Variants in MGA observed in about 807,000 individuals in gnomAD.
MGA encodes the protein MAX dimerization protein MGA.
In MGA, 40 loss-of-function variants were observed where a neutral mutation model predicts 261.1. The ratio of observed to expected loss-of-function variants is 0.15; its 90% confidence interval spans 0.12 to 0.20. The LOEUF (loss-of-function observed/expected upper bound fraction) is 0.20. Ranked by LOEUF, MGA falls within the 10% of genes least tolerant of loss-of-function variation. The pLI is 1.00. For missense variants in MGA, 3,397 were observed against 3,630.5 expected (o/e 0.94, Z 1.65); for synonymous variants, 1,302 against 1,290.6 (o/e 1.01, Z -0.19).
chr15:41,740,396 A>G (rs958609696), intron 14 of MGA, among the ~76,000 whole-genome samples, 193 bp downstream of exon 14: 3 of 151,970 alleles, frequency 2.0e-5, no homozygotes, highest in African/African-American at 7.3e-5. Context: ...AGATGAATTG[A>G]GTTGTTTTAT....
chr15:41,767,483 C>G lies in MGA; in HGVS notation c.*203C>G. On this transcript the variant is annotated 3_prime_UTR_variant, in exon 24 of 24. Transcript: ENST00000219905. ...ATTCTGATCATGTTAAAATGTGTTA[C>G]CTCACTTGTGGTGCTGGGTCCCCTC... The G allele has an allele frequency of 1.6e-6, 1 of 606,430 alleles. No individual in the cohort carries two copies. The highest frequency in any genetic ancestry group is 2.8e-5 in the East Asian group (1 of 35,886). The allele number at this position is 606,430 out of a possible 1,614,324, so 37.6% of individuals were successfully genotyped here.
intron 1 of MGA, among the ~76,000 whole-genome samples, chr15:41,662,906 T>C (rs886994363): frequency 6.6e-6 from 1 of 152,230 alleles, no homozygotes; most frequent in Non-Finnish European, 1.5e-5. Flanking sequence ...TGGAAAACGT[T>C]CAGAATGTGT....
chr15:41,668,838 C>T lies in MGA; in HGVS notation c.-57C>T. 7.9e-7 allele frequency: 1 copy of T among 1,267,876 alleles called. No individual in the cohort carries two copies. Among genetic ancestry groups the T allele is most frequent in the Non-Finnish European group, 1.1e-6 (1 of 941,344 alleles). 78.5% of individuals were successfully genotyped at this position (1,267,876 alleles called of 1,614,324 possible). ...TTGCTTGTTTCTTAGGATGGGAAGG[C>T]CATTGTGACTATGTGGTGATTACAG... On this transcript the variant is annotated 5_prime_UTR_variant, in exon 2 of 24. Transcript: ENST00000219905.
intron 2 of MGA, among the ~76,000 whole-genome samples, chr15:41,676,356 G>A (rs2058377139): frequency 6.6e-6 from 1 of 152,158 alleles, no homozygotes; most frequent in South Asian, 2.1e-4. Context: ...CTAATTTTAT[G>A]TAGAGATTTC....
chr15:41,669,767 G>A lies in MGA; in HGVS notation c.873G>A (p.Arg291=). 6.2e-7 allele frequency: 1 copy of A among 1,613,852 alleles called. No homozygotes were observed. Among genetic ancestry groups the A allele is most frequent in the Non-Finnish European group, 8.5e-7 (1 of 1,179,842 alleles). Residue 291 remains arginine (R), a synonymous_variant, in exon 2 of 24, where the codon CGG becomes CGA. Transcript: ENST00000219905. ...ATATTTCCAGTTCTTCTGGTCATCG[G>A]GTCCGTCTTACAGAAGGTCAGGGGT...
chr15:41,708,009 T>G (rs558109830), intron 6 of MGA, 95 bp from the exon 7 acceptor site: 2 of 1,348,618 alleles, frequency 1.5e-6, no homozygotes, highest in East Asian at 5.0e-5. Context: ...ATAAGTGATT[T>G]ATACACTTAC....
chr15:41,717,442 A>G lies in MGA; in HGVS notation c.3430+3946A>G, dbSNP rs566892841. Among the ~76,000 whole-genome samples the G allele has an allele frequency of 7.9e-5, 12 of 152,378 alleles. No individual in the cohort carries two copies. In the South Asian group the frequency reaches 2.5e-3, roughly 32 times the overall value. On this transcript the variant is annotated intron_variant, in intron 9 of 23. Transcript: ENST00000219905. ...AACATACTAATTACCATTATTAGGAATGAAAGGTGACTTCAGTACAGACAT... is the reference window on the plus strand; with the variant it reads ...AACATACTAATTACCATTATTAGGAGTGAAAGGTGACTTCAGTACAGACAT...
At chr15:41,756,423 T>C (rs1443492837) in intron 18 of MGA, among the ~76,000 whole-genome samples, 1 of 152,104 alleles carries the variant, frequency 6.6e-6, no homozygotes, top group East Asian at 1.9e-4. Context: ...GGTACAGTTA[T>C]CTAGGTGTGG....
chr15:41,652,132 A>ATT (rs1364144728), intron 1 of MGA, among the ~76,000 whole-genome samples: 2 of 137,336 alleles, frequency 1.5e-5, no homozygotes, highest in African/African-American at 5.4e-5. Flanking sequence ...CGCCCGGCTA[A>ATT]TTTTTTTTTT....
chr15:41,731,491 A>C (rs1420884484), intron 11 of MGA, among the ~76,000 whole-genome samples: 2 of 152,192 alleles, frequency 1.3e-5, no homozygotes, highest in Admixed American at 6.5e-5. Context: ...CAAGTTTTTA[A>C]AGTAGTTAAT....
chr15:41,661,960 C>T (rs2057432791), intron 1 of MGA, among the ~76,000 whole-genome samples: 2 of 152,032 alleles, frequency 1.3e-5, no homozygotes, highest in South Asian at 2.1e-4. Context: ...GCTTTCCTTG[C>T]GGCATTTTTT....
At chr15:41,652,519 C>T (rs1162830978) in intron 1 of MGA, among the ~76,000 whole-genome samples, 2 of 151,666 alleles carry the variant, frequency 1.3e-5, no homozygotes, top group Admixed American at 1.3e-4. Context: ...CATGCACCAC[C>T]ACACTCAGCT....
At chr15:41,635,517 C>G (rs1408345146) in intron 1 of MGA, among the ~76,000 whole-genome samples, 3 of 150,492 alleles carry the variant, frequency 2.0e-5, no homozygotes, top group East Asian at 1.9e-4. Context: ...ATAGTGAGAC[C>G]CCCCCCCTCC....
In MGA at chr15:41,696,617, A is replaced by C; in HGVS notation, c.1607A>C (p.Asp536Ala). Reference sequence around the variant, plus strand: ...AATGGTCTTAGAAAACATTCACCAGATCTCAGAGTGGTACAAAAATATCCC... The same window carrying C: ...AATGGTCTTAGAAAACATTCACCAGCTCTCAGAGTGGTACAAAAATATCCC... The change falls in exon 3 of 24, where the codon GAT becomes GCT. Residue 536 changes from aspartate (D) to alanine (A), a missense_variant. Coordinates refer to ENST00000219905, the MANE Select transcript of MGA (RefSeq NM_001164273.2). 1 of 1,613,826 alleles carries C rather than the reference A, an allele frequency of 6.2e-7. No homozygotes were observed. Among genetic ancestry groups the C allele is most frequent in the Non-Finnish European group, 8.5e-7 (1 of 1,179,830 alleles).
chr15:41,705,031 GAATAAAA>G (rs1269099894), intron 5 of MGA, among the ~76,000 whole-genome samples: 1 of 152,150 alleles, frequency 6.6e-6, no homozygotes, highest in African/African-American at 2.4e-5. Context: ...GGCTCTGGTT[GAATAAAA>G]ATATAAAAAG....
At chr15:41,624,310 C>T (rs555920360) in intron 1 of MGA, among the ~76,000 whole-genome samples, 1 of 151,690 alleles carries the variant, frequency 6.6e-6, no homozygotes, top group African/African-American at 2.4e-5. Flanking sequence ...TACAGTGGTG[C>T]GATCTCAGCT....
At chr15:41,704,333 T>TA (rs534869856) in intron 5 of MGA, among the ~76,000 whole-genome samples, 2,143 of 144,300 alleles carry the variant, frequency 0.015, 39 homozygotes, top group South Asian at 0.071. Context: ...TGCCCTGCAG[T>TA]AAAAAAAAAA....
intron 2 of MGA, among the ~76,000 whole-genome samples, chr15:41,687,236 T>C (rs763636048): frequency 2.0e-5 from 3 of 152,324 alleles, no homozygotes; most frequent in Non-Finnish European, 2.9e-5. Flanking sequence ...ATGGATCATA[T>C]GTGCCTACCG....
rs1410003686 is a variant in MGA at position 41,697,650 on chromosome 15, C to T, written c.2013+627C>T. 2.0e-5 allele frequency among the ~76,000 whole-genome samples: 3 copies of T among 152,148 alleles called. No homozygotes were observed. In the South Asian group the frequency reaches 6.2e-4, roughly 32 times the overall value. On this transcript the variant is annotated intron_variant, in intron 3 of 23. Coordinates refer to ENST00000219905, the MANE Select transcript of MGA (RefSeq NM_001164273.2). ...CAGCTAATTTCTAACTTCTGGCCTC[C>T]AGCAGTCTGCCTGCTTCAGCCTCCC...
Sources: allele counts gnomAD v4.1 joint callset (sites outside exome capture counted in the v4.1 genomes callset), GRCh38; gene constraint gnomAD v4.1.1; transcripts MANE v1.5; gene names NCBI Gene and HGNC (gene_info 2026-07-23, HGNC 2026-07-21).